LINGO2: variants seen among roughly 807,000 people sequenced by gnomAD.
LINGO2 encodes the protein leucine-rich repeat and immunoglobulin-like domain-containing nogo receptor-interacting protein 2.
Under a neutral mutation model 30.6 loss-of-function variants are expected in LINGO2, and 14 were observed. The observed-to-expected ratio is 0.46, with a 90% CI of 0.30 to 0.72. The LOEUF is 0.72. Ranked by LOEUF, LINGO2 falls within the 30% of genes least tolerant of loss-of-function variation. The pLI, the probability that LINGO2 is intolerant of heterozygous loss-of-function variation, is 0.07. For synonymous variants in LINGO2, 317 were observed against 288.5 expected (o/e 1.10, Z -1.00); for missense variants, 729 against 751.7 (o/e 0.97, Z 0.35).
At chr9:29,028,768 C>T in the LINGO2 span, among the ~76,000 whole-genome samples, 1 of 152,156 alleles carries the variant, frequency 6.6e-6, no homozygotes, top group Non-Finnish European at 1.5e-5. Context: ...CCCCAGCTGA[C>T]AGCTATTCAA....
chr9:28,407,081 C>T (rs1822543542), intron 2 of LINGO2, among the ~76,000 whole-genome samples: 1 of 151,936 alleles, frequency 6.6e-6, no homozygotes, highest in Admixed American at 6.6e-5. Flanking sequence ...ATATGTATAT[C>T]CCTATATATA....
At chr9:28,466,117 T>TA (rs1433173922) in intron 2 of LINGO2, among the ~76,000 whole-genome samples, 1 of 152,018 alleles carries the variant, frequency 6.6e-6, no homozygotes, top group East Asian at 1.9e-4. Flanking sequence ...GCTAGGTAGA[T>TA]ACTCCCCCAA....
At chr9:28,783,402 T>G in the LINGO2 span, among the ~76,000 whole-genome samples, 1 of 152,112 alleles carries the variant, frequency 6.6e-6, no homozygotes, top group Non-Finnish European at 1.5e-5. Context: ...ATTTTTAAAT[T>G]TTATTATTTC....
the LINGO2 span, among the ~76,000 whole-genome samples, chr9:28,877,226 C>G: frequency 0.38 from 57,793 of 150,298 alleles, 12,315 homozygotes; most frequent in African/African-American, 0.59. Context: ...ATGGTAGTTT[C>G]TTTTGCTGTG....
chr9:28,135,431 C>CA (rs1242500773), intron 4 of LINGO2, among the ~76,000 whole-genome samples: 1 of 151,018 alleles, frequency 6.6e-6, no homozygotes, highest in African/African-American at 2.4e-5. Flanking sequence ...GAAACTGACT[C>CA]AGACAACAGA....
At chr9:28,854,511 T>C in the LINGO2 span, among the ~76,000 whole-genome samples, 1 of 152,006 alleles carries the variant, frequency 6.6e-6, no homozygotes, top group Non-Finnish European at 1.5e-5. Flanking sequence ...CACTGATTGA[T>C]AAATGGAATC....
At chr9:28,039,860 C>T (rs1249786352) in intron 4 of LINGO2, among the ~76,000 whole-genome samples, 2 of 152,078 alleles carry the variant, frequency 1.3e-5, no homozygotes, top group African/African-American at 4.8e-5. Flanking sequence ...GTTGTCTTTC[C>T]TCTTTGGAGT....
At chr9:28,671,278 A>T (rs1828998927), upstream of LINGO2, among the ~76,000 whole-genome samples, 1 of 152,030 alleles carries the variant, frequency 6.6e-6, no homozygotes, top group Non-Finnish European at 1.5e-5. Context: ...TGACAAAAAA[A>T]GTCAGTATAG....
At chr9:29,137,785 T>C in the LINGO2 span, among the ~76,000 whole-genome samples, 1 of 152,088 alleles carries the variant, frequency 6.6e-6, no homozygotes, top group African/African-American at 2.4e-5. Flanking sequence ...GGTAAGGCTC[T>C]AGAACCAAAT....
chr9:28,755,594 A>G, the LINGO2 span, among the ~76,000 whole-genome samples: 1 of 152,096 alleles, frequency 6.6e-6, no homozygotes. Flanking sequence ...AGACTAAGAG[A>G]GGGACATTTT....
At chr9:28,945,604 C>G in the LINGO2 span, among the ~76,000 whole-genome samples, 3 of 152,146 alleles carry the variant, frequency 2.0e-5, no homozygotes, top group Admixed American at 6.5e-5. Flanking sequence ...CAGAATTGCT[C>G]TGGTTCTGAA....
At chr9:28,338,553 C>T (rs968504968) in intron 3 of LINGO2, among the ~76,000 whole-genome samples, 17 of 151,998 alleles carry the variant, frequency 1.1e-4, no homozygotes, top group African/African-American at 3.1e-4. Flanking sequence ...TGTGTCTCCA[C>T]CCAAATCTCA....
the LINGO2 span, among the ~76,000 whole-genome samples, chr9:29,090,887 T>C: frequency 6.6e-6 from 1 of 152,058 alleles, no homozygotes; most frequent in African/African-American, 2.4e-5. Context: ...AGTAACTTAC[T>C]ATCCCTCTGA....
At chr9:27,953,475 C>T (rs1420906811) in intron 5 of LINGO2, among the ~76,000 whole-genome samples, 1 of 152,036 alleles carries the variant, frequency 6.6e-6, no homozygotes, top group Non-Finnish European at 1.5e-5. Flanking sequence ...TGGCTGTGTC[C>T]CCACCCAAAT....
intron 2 of LINGO2, among the ~76,000 whole-genome samples, chr9:28,413,410 T>G (rs968891610): frequency 4.6e-5 from 7 of 152,066 alleles, no homozygotes; most frequent in African/African-American, 1.7e-4. Context: ...CCCCATAAAA[T>G]AAACACACAC....
chr9:28,497,931 C>A (rs188278163), intron 1 of LINGO2, among the ~76,000 whole-genome samples: 1 of 152,144 alleles, frequency 6.6e-6, no homozygotes. Flanking sequence ...CATTCCAGAC[C>A]CTGTTTGCCT....
the LINGO2 span, among the ~76,000 whole-genome samples, chr9:29,063,684 G>A: frequency 6.6e-6 from 1 of 152,096 alleles, no homozygotes; most frequent in Non-Finnish European, 1.5e-5. Context: ...ACAGGCATGA[G>A]TCAACTGCAC....
At chr9:28,581,059 T>C (rs1247565384) in intron 1 of LINGO2, among the ~76,000 whole-genome samples, 1 of 151,948 alleles carries the variant, frequency 6.6e-6, no homozygotes, top group Non-Finnish European at 1.5e-5. Flanking sequence ...TGGAAGAAGA[T>C]ATATTGAAGG....
intron 1 of LINGO2, among the ~76,000 whole-genome samples, chr9:28,563,916 T>A (rs1205250798): frequency 1.3e-5 from 2 of 152,110 alleles, no homozygotes; most frequent in African/African-American, 4.8e-5. Context: ...CTCCTACCTA[T>A]GCATAACAAT....
Sources: allele counts gnomAD v4.1 joint callset (sites outside exome capture counted in the v4.1 genomes callset), GRCh38; gene constraint gnomAD v4.1.1; transcripts MANE v1.5; gene names NCBI Gene and HGNC (gene_info 2026-07-23, HGNC 2026-07-21).